The following USP8 variants were observed in gnomAD, a reference collection of about 807,000 sequenced individuals.
USP8 encodes ubiquitin specific peptidase 8.
A neutral mutation model predicts 130.0 loss-of-function variants in USP8; 27 were observed. The ratio of observed to expected loss-of-function variants is 0.21; its 90% CI spans 0.15 to 0.29. USP8 has a LOEUF of 0.29. Ranked by LOEUF, USP8 falls within the 10% of genes least tolerant of loss-of-function variation. USP8 has a pLI of 1.00. For synonymous variants in USP8, 392 were observed against 444.1 expected (o/e 0.88, Z 1.48); for missense variants, 1,029 against 1,312.2 (o/e 0.78, Z 3.33).
chr15:50,456,942 G>A (rs558162601), intron 4 of USP8, among the ~76,000 whole-genome samples: 2 of 152,272 alleles, frequency 1.3e-5, no homozygotes, highest in African/African-American at 4.8e-5. Flanking sequence ...TAGAGGAGAA[G>A]CACTGTTTTC....
Position 50,470,762 on chromosome 15 carries a change from G to A in USP8, c.687-871G>A, listed in dbSNP as rs569596260. Among the ~76,000 whole-genome samples the A allele has an allele frequency of 2.6e-5, 4 of 152,202 alleles. No individual in the cohort carries two copies. The East Asian group carries it at 7.7e-4, about 29-fold the overall frequency. ...TTACAGGCGCCTGCCACCATGCCCG[G>A]CTAATTTTTGTATTTAGTAGAGATG... On this transcript the variant is annotated intron_variant, in intron 7 of 19. Coordinates refer to ENST00000307179, the MANE Select transcript of USP8 (RefSeq NM_005154.5).
At chr15:50,479,569 A>C (rs1430274562) in intron 10 of USP8, among the ~76,000 whole-genome samples, 2 of 152,150 alleles carry the variant, frequency 1.3e-5, no homozygotes, top group Non-Finnish European at 2.9e-5. Context: ...CAAGCCACCA[A>C]AATGTAAATG....
intron 10 of USP8, among the ~76,000 whole-genome samples, chr15:50,478,967 A>G (rs1336393013): frequency 6.6e-6 from 1 of 152,166 alleles, no homozygotes; most frequent in African/African-American, 2.4e-5. Context: ...AGGCAGGAGA[A>G]TCACATGAAC....
At chr15:50,456,621 C>T (rs987151042) in intron 4 of USP8, among the ~76,000 whole-genome samples, 3 of 151,810 alleles carry the variant, frequency 2.0e-5, no homozygotes, top group South Asian at 2.1e-4. Context: ...TGTGGTGGCT[C>T]GCCCCTGTAA....
chr15:50,462,294 G>C lies in USP8; in HGVS notation c.513G>C (p.Lys171Asn), dbSNP rs572018148. Residue 171 changes from lysine (K) to asparagine (N), a missense_variant, in exon 6 of 20, where the codon AAG (lysine) becomes AAC (asparagine). This residue lies in a region of USP8 where 281 missense variants were observed against 336.7 expected (regional missense o/e 0.83). Transcript: ENST00000307179. Reference sequence around the variant, plus strand: ...CTATGCAATAGAGCAATGGTGAAAAGAATGAAAAATGTGAGACCAAAGAGA... The same window carrying C: ...CTATGCAATAGAGCAATGGTGAAAACAATGAAAAATGTGAGACCAAAGAGA... ...KDKTQKSNGE[K>N]NEKCETKEKG... 3 of 1,601,746 alleles carry C rather than the reference G, an allele frequency of 1.9e-6. No homozygotes were observed. Among genetic ancestry groups the C allele is most frequent in the Non-Finnish European group, 2.5e-6 (3 of 1,176,810 alleles).
Position 50,481,657 on chromosome 15 carries a change from T to G in USP8, c.1395T>G (p.Ile465Met), listed in dbSNP as rs1487640030. 2 of 1,613,452 alleles carry G rather than the reference T, an allele frequency of 1.2e-6. No homozygotes were observed. Among genetic ancestry groups the G allele is most frequent in the Non-Finnish European group, 1.7e-6 (2 of 1,179,894 alleles). ...TAACAGATGAAGAAAAGGCTCGTAT[T>G]CATGCAGAAACTGCTCTTCTAATGG... Reference protein sequence around the residue: ...LMLTDEEKARIHAETALLMEK... With the variant: ...LMLTDEEKARMHAETALLMEK... Residue 465 changes from isoleucine (I) to methionine (M), a missense_variant, in exon 11 of 20, where the codon ATT becomes ATG. Physicochemically the swap from Ile to Met is conservative, Grantham distance 10 (BLOSUM62 1). Around this residue, in one of 4 missense-constraint regions of USP8, gnomAD observed 486 missense variants for 522.0 expected, o/e 0.93. Coordinates refer to ENST00000307179, the MANE Select transcript of USP8 (RefSeq NM_005154.5).
rs1228830602 is a variant in USP8 at position 50,505,639 on chromosome 15, A to G, written c.*6551A>G. The G allele has an allele frequency of 6.6e-6, 1 of 152,228 alleles. No homozygotes were observed. Among genetic ancestry groups the G allele is most frequent in the African/African-American group, 2.4e-5 (1 of 41,452 alleles). The allele number at this position is 152,228 out of a possible 1,614,324, so 9.4% of individuals were successfully genotyped here. On this transcript the variant is annotated 3_prime_UTR_variant, in exon 20 of 20. Coordinates refer to ENST00000307179, the MANE Select transcript of USP8 (RefSeq NM_005154.5). ...AATATGAACAGTAGAAAACCATGAT[A>G]ATGTCTCCTTTGGAGGCATATTAAA...
intron 3 of USP8, among the ~76,000 whole-genome samples, chr15:50,447,797 T>A (rs1197874171): frequency 2.0e-5 from 3 of 149,682 alleles, no homozygotes; most frequent in Admixed American, 6.8e-5. Flanking sequence ...GGGAACGGGG[T>A]CTCACTATAT....
At chr15:50,449,587 T>C in intron 4 of USP8, 102 bp downstream of exon 4, 1 of 769,788 alleles carries the variant, frequency 1.3e-6, no homozygotes, top group Non-Finnish European at 1.8e-6. Flanking sequence ...AATATTCCAA[T>C]TTTTTTTTGA....
Position 50,508,361 on chromosome 15 carries a change from T to C in USP8, c.*9273T>C, listed in dbSNP as rs1220321640. On this transcript the variant is annotated 3_prime_UTR_variant, in exon 20 of 20. Coordinates refer to ENST00000307179, the MANE Select transcript of USP8 (RefSeq NM_005154.5). ...GGTCAGTATTAAGATGAATTGATCATTTATTTTATATTCAAATATCTTGCT... is the reference window on the plus strand; with the variant it reads ...GGTCAGTATTAAGATGAATTGATCACTTATTTTATATTCAAATATCTTGCT... 6.6e-6 allele frequency: 1 copy of C among 152,204 alleles called. No individual in the cohort carries two copies. The highest frequency in any genetic ancestry group is 2.4e-5 in the African/African-American group (1 of 41,450). The allele number at this position is 152,204 out of a possible 1,614,324, so 9.4% of individuals were successfully genotyped here.
At chr15:50,449,621 GC>G in intron 4 of USP8, 136 bp downstream of exon 4, 1 of 502,296 alleles carries the variant, frequency 2.0e-6, no homozygotes, top group Non-Finnish European at 3.1e-6. Flanking sequence ...GCTGTCTGTC[GC>G]CCATGCTGGA....
chr15:50,476,433 G>A (rs2051570213), intron 8 of USP8, among the ~76,000 whole-genome samples: 1 of 152,128 alleles, frequency 6.6e-6, no homozygotes, highest in Admixed American at 6.6e-5. Context: ...TTGTCAATCA[G>A]TCAACCAGTA....
chr15:50,497,410 C>A, intron 18 of USP8, 179 bp downstream of exon 18: 1 of 553,780 alleles, frequency 1.8e-6, no homozygotes, highest in Non-Finnish European at 2.8e-6. Flanking sequence ...TCAGTGTTTT[C>A]AGTACCACAG....
intron 1 of USP8, among the ~76,000 whole-genome samples, chr15:50,431,286 C>T (rs1445273270): frequency 1.3e-5 from 2 of 151,682 alleles, no homozygotes; most frequent in African/African-American, 4.8e-5. Context: ...TTACTCTTTT[C>T]CATAGTATCA....
At chr15:50,430,868 A>G (rs1245361048) in intron 1 of USP8, among the ~76,000 whole-genome samples, 2 of 152,114 alleles carry the variant, frequency 1.3e-5, no homozygotes, top group Non-Finnish European at 1.5e-5. Flanking sequence ...GTTGGGGGTA[A>G]TTTTGCCTTC....
At chr15:50,427,652 T>C (rs1176777619) in intron 1 of USP8, among the ~76,000 whole-genome samples, 1 of 148,026 alleles carries the variant, frequency 6.8e-6, no homozygotes, top group Non-Finnish European at 1.5e-5. Context: ...AATGTCCGCC[T>C]CCTGGGTTTA....
rs2052654353 is a variant in USP8 at position 50,506,086 on chromosome 15, C to A, written c.*6998C>A. On this transcript the variant is annotated 3_prime_UTR_variant, in exon 20 of 20. Coordinates refer to ENST00000307179, the MANE Select transcript of USP8 (RefSeq NM_005154.5). The stretch of plus-strand genomic sequence containing the variant: ...TTTAGGCTTTAAGTATGAAAGCTGT[C>A]GTTTTTTAGCATAATTACTAAAGAA... 6.6e-6 allele frequency: 1 copy of A among 152,286 alleles called. No individual in the cohort carries two copies. Among genetic ancestry groups the A allele is most frequent in the African/African-American group, 2.4e-5 (1 of 41,556 alleles). 9.4% of individuals were successfully genotyped at this position (152,286 alleles called of 1,614,324 possible).
chr15:50,471,748 T>A lies in USP8; in HGVS notation c.802T>A (p.Leu268Ile), dbSNP rs61751062. 0.021 allele frequency: 34,058 copies of A among 1,614,050 alleles called. 433 individuals are homozygous for A. Among genetic ancestry groups the A allele is most frequent in the Non-Finnish European group, 0.025 (29,583 of 1,179,968 alleles). Residue 268 changes from leucine (L) to isoleucine (I), a missense_variant, in exon 8 of 20, where the codon TTA (leucine) becomes ATA (isoleucine). Around this residue, in one of 4 missense-constraint regions of USP8, gnomAD observed 281 missense variants for 336.7 expected, o/e 0.83. Transcript: ENST00000307179. ...TGACTGGTTTAGTTCTGCCAAAGAT[T>A]TACAGATTGGAACAACTCTCCGGAG... Reference protein sequence around the residue: ...LLDWFSSAKDLQIGTTLRSLK... With the variant: ...LLDWFSSAKDIQIGTTLRSLK...
At chr15:50,435,647 C>T (rs932791763) in intron 1 of USP8, among the ~76,000 whole-genome samples, 1 of 152,154 alleles carries the variant, frequency 6.6e-6, no homozygotes, top group African/African-American at 2.4e-5. Flanking sequence ...TAAAACAATA[C>T]TGAAAGTATT....
Sources: gnomAD v4.1 joint callset for allele counts (sites outside exome capture counted in the v4.1 genomes callset) on GRCh38, gnomAD v4.1.1 for gene constraint, gnomAD v4.1.1 regional missense constraint, MANE v1.5 for transcripts, NCBI Gene and HGNC (gene_info 2026-07-23, HGNC 2026-07-21) for gene names.